RALGAPA2: variants seen among roughly 807,000 people sequenced by gnomAD.
RALGAPA2 encodes ral GTPase-activating protein subunit alpha-2.
A neutral mutation model predicts 230.4 loss-of-function variants in RALGAPA2; 139 were observed. That is an observed-to-expected ratio of 0.60 (90% CI 0.53 to 0.69). The LOEUF (loss-of-function observed/expected upper bound fraction) is 0.69. Ranked by LOEUF, RALGAPA2 falls within the 30% of genes least tolerant of loss-of-function variation. The pLI, the probability that RALGAPA2 is intolerant of heterozygous loss-of-function variation, is 0.00. For synonymous variants in RALGAPA2, 847 were observed against 837.8 expected, an observed-to-expected ratio of 1.01 and a Z score of -0.19; for missense variants, 2,163 against 2,276.0, an observed-to-expected ratio of 0.95 and a Z score of 1.01.
At chr20:20,477,380 C>T (rs569929391) in intron 36 of RALGAPA2, among the ~76,000 whole-genome samples, 97 of 152,140 alleles carry the variant, frequency 6.4e-4, no homozygotes, top group Non-Finnish European at 1.2e-3. Flanking sequence ...GTGACCATAT[C>T]CTCAGCCAAG....
intron 7 of RALGAPA2, among the ~76,000 whole-genome samples, chr20:20,637,976 G>A (rs1364611440): frequency 6.6e-6 from 1 of 152,066 alleles, no homozygotes; most frequent in Non-Finnish European, 1.5e-5. Flanking sequence ...AAAGGCAAAA[G>A]CCATGGAATC....
chr20:20,458,672 A>G (rs2061198172), intron 37 of RALGAPA2, among the ~76,000 whole-genome samples: 1 of 132,014 alleles, frequency 7.6e-6, no homozygotes, highest in Non-Finnish European at 1.6e-5. Flanking sequence ...CCCTCATTCA[A>G]TATATATATA....
chr20:20,472,928 C>T lies in RALGAPA2; in HGVS notation c.5396G>A (p.Gly1799Glu). 6.2e-7 allele frequency: 1 copy of T among 1,607,916 alleles called. No homozygotes were observed. The highest frequency in any genetic ancestry group is 8.5e-7 in the Non-Finnish European group (1 of 1,178,316). The change falls in exon 37 of 40, where the codon GGA becomes GAA. Residue 1799 changes from glycine to glutamate, a missense_variant. By Grantham distance (98) the Gly-to-Glu change is moderately conservative. Transcript: ENST00000202677. ...EVPFFGPLFDGAIVSGKLLPS... is the reference protein window; with the variant it reads ...EVPFFGPLFDEAIVSGKLLPS... ...CAGCAGCTTCCCACTCACTATGGCT[C>T]CATCAAACAGAGGCCCAAAAAATGG...
intron 23 of RALGAPA2, among the ~76,000 whole-genome samples, chr20:20,566,520 A>G (rs1465689503): frequency 6.6e-6 from 1 of 152,188 alleles, no homozygotes; most frequent in African/African-American, 2.4e-5. Flanking sequence ...AAAAAAATCA[A>G]CACTTTAAGA....
At chr20:20,548,511 T>C (rs1232066254) in intron 23 of RALGAPA2, among the ~76,000 whole-genome samples, 1 of 152,128 alleles carries the variant, frequency 6.6e-6, no homozygotes, top group Non-Finnish European at 1.5e-5. Flanking sequence ...TTCAGCAGAC[T>C]TTTTTCCTAC....
At chr20:20,469,087 T>G (rs2123361875) in intron 37 of RALGAPA2, among the ~76,000 whole-genome samples, 1 of 152,278 alleles carries the variant, frequency 6.6e-6, no homozygotes, top group East Asian at 1.9e-4. Context: ...CATTGGCCCC[T>G]CATTTGGAGT....
chr20:20,507,172 T>G (rs2123718288), intron 33 of RALGAPA2, among the ~76,000 whole-genome samples: 2 of 152,348 alleles, frequency 1.3e-5, no homozygotes, highest in South Asian at 4.1e-4. Flanking sequence ...TTTTTTAGTG[T>G]GAACACTTTT....
At chr20:20,509,278 G>C in intron 33 of RALGAPA2, among the ~76,000 whole-genome samples, 1 of 152,126 alleles carries the variant, frequency 6.6e-6, no homozygotes, top group East Asian at 1.9e-4. Flanking sequence ...GGCAGCTTCA[G>C]GTTTTTCATT....
At chr20:20,445,364 A>T (rs375558452) in intron 37 of RALGAPA2, among the ~76,000 whole-genome samples, 7 of 152,210 alleles carry the variant, frequency 4.6e-5, no homozygotes, top group African/African-American at 1.7e-4. Context: ...AGAAAGGCAG[A>T]TGATGGAGTA....
intron 27 of RALGAPA2, among the ~76,000 whole-genome samples, chr20:20,530,113 C>T (rs914782981): frequency 1.1e-4 from 16 of 152,146 alleles, no homozygotes; most frequent in African/African-American, 3.9e-4. Flanking sequence ...TCCCACACAC[C>T]TCAGTTGTGT....
intron 3 of RALGAPA2, among the ~76,000 whole-genome samples, chr20:20,656,031 C>T (rs2067578830): frequency 6.6e-6 from 1 of 152,122 alleles, no homozygotes; most frequent in African/African-American, 2.4e-5. Flanking sequence ...TTCTTCTAGG[C>T]AAATGTGTAA....
Position 20,512,924 on chromosome 20 carries a change from T to C in RALGAPA2, c.4445A>G (p.Glu1482Gly). ...TCTTCCATTGGGTGCTAAGCAGCCT[T>C]CCAAAGGTCCATATAAAACCTTACC... is the stretch of plus-strand genomic sequence containing the variant. ...WDGKVLYGPL[E>G]GCLAPNGRNP... The change falls in exon 32 of 40, where the codon GAA (glutamate) becomes GGA (glycine). Residue 1482 changes from glutamate (E) to glycine (G), a missense_variant. Coordinates refer to ENST00000202677, the MANE Select transcript of RALGAPA2 (RefSeq NM_020343.4). The C allele has an allele frequency of 6.2e-7, 1 of 1,613,812 alleles. No homozygotes were observed. The highest frequency in any genetic ancestry group is 1.7e-5 in the Admixed American group (1 of 60,024).
chr20:20,610,215 C>A (rs547056874), intron 14 of RALGAPA2, among the ~76,000 whole-genome samples: 3 of 152,318 alleles, frequency 2.0e-5, no homozygotes, highest in Admixed American at 2.0e-4. Context: ...AAAGTCAAGT[C>A]CATCCACTGT....
chr20:20,515,866 T>G (rs1602615305), intron 31 of RALGAPA2, among the ~76,000 whole-genome samples: 1 of 151,696 alleles, frequency 6.6e-6, no homozygotes, highest in African/African-American at 2.4e-5. Context: ...GGCAGGGAAG[T>G]GCACTGCAGA....
chr20:20,531,144 T>C (rs759317029), intron 27 of RALGAPA2, among the ~76,000 whole-genome samples: 29 of 152,222 alleles, frequency 1.9e-4, no homozygotes, highest in Admixed American at 5.9e-4. Flanking sequence ...AAAACAGAAA[T>C]TGCAACATCT....
At chr20:20,634,419 G>C (rs2066788122) in intron 9 of RALGAPA2, among the ~76,000 whole-genome samples, 1 of 151,898 alleles carries the variant, frequency 6.6e-6, no homozygotes, top group Non-Finnish European at 1.5e-5. Flanking sequence ...CTTTCTTTCA[G>C]CAAGTCTTTC....
At chr20:20,485,052 T>A (rs1294870277) in intron 36 of RALGAPA2, among the ~76,000 whole-genome samples, 2 of 152,196 alleles carry the variant, frequency 1.3e-5, no homozygotes, top group South Asian at 2.1e-4. Context: ...GAGATTTTTT[T>A]TTTTTTTTGC....
chr20:20,517,479 C>T (rs1030545885), intron 31 of RALGAPA2, among the ~76,000 whole-genome samples: 9 of 152,188 alleles, frequency 5.9e-5, no homozygotes, highest in Non-Finnish European at 1.3e-4. Context: ...TGGTTTCTAT[C>T]TAGGGATACT....
intron 16 of RALGAPA2, among the ~76,000 whole-genome samples, chr20:20,594,729 T>C (rs1466593162): frequency 8.6e-6 from 1 of 116,202 alleles, no homozygotes; most frequent in African/African-American, 3.2e-5. Context: ...TATTACTTTC[T>C]TTTTTTTTTT....
Sources: allele counts gnomAD v4.1 joint callset (sites outside exome capture counted in the v4.1 genomes callset), GRCh38; gene constraint gnomAD v4.1.1; transcripts MANE v1.5; gene names NCBI Gene and HGNC (gene_info 2026-07-23, HGNC 2026-07-21).